AK5: variants seen among roughly 807,000 people sequenced by gnomAD.
The protein encoded by AK5 is adenylate kinase 5.
AK5 carries 27 observed loss-of-function variants against 69.5 expected under a neutral mutation model. That is an observed-to-expected ratio of 0.39 (90% CI 0.29 to 0.54). The LOEUF (loss-of-function observed/expected upper bound fraction) is 0.54, where lower values mean the gene tolerates loss of function less well. Among genes scored for constraint, AK5 ranks in the 20% least tolerant of loss-of-function variants. AK5 has a pLI of 0.71. For synonymous variants in AK5, 260 were observed against 244.4 expected (o/e 1.06, Z -0.60); for missense variants, 531 against 700.4 (o/e 0.76, Z 2.73).
intron 5 of AK5, among the ~76,000 whole-genome samples, chr1:77,308,793 A>G (rs1243643419): frequency 1.3e-5 from 2 of 152,210 alleles, no homozygotes; most frequent in African/African-American, 4.8e-5. Context: ...ACATGGCAAA[A>G]CTCCATCTCT....
intron 8 of AK5, among the ~76,000 whole-genome samples, chr1:77,428,595 C>CT (rs58114645): frequency 0.92 from 137,941 of 150,198 alleles, 63,456 homozygotes; most frequent in East Asian, 0.97. Context: ...TATCCAAGTT[C>CT]TTTTTTTTTT....
At chr1:77,360,779 A>G (rs1646849015) in intron 6 of AK5, among the ~76,000 whole-genome samples, 1 of 152,166 alleles carries the variant, frequency 6.6e-6, no homozygotes, top group African/African-American at 2.4e-5. Flanking sequence ...GCCTTGTTGA[A>G]AAGTCTAGAA....
intron 10 of AK5, among the ~76,000 whole-genome samples, chr1:77,514,663 T>G (rs1345022428): frequency 6.6e-6 from 1 of 152,222 alleles, no homozygotes; most frequent in Non-Finnish European, 1.5e-5. Flanking sequence ...CCACGAAAGT[T>G]TCTAACTGGG....
intron 6 of AK5, among the ~76,000 whole-genome samples, chr1:77,368,514 T>C (rs1407754037): frequency 6.6e-6 from 1 of 151,340 alleles, no homozygotes; most frequent in Non-Finnish European, 1.5e-5. Flanking sequence ...CAATCTGCGG[T>C]TGTTGGCATC....
At chr1:77,355,991 T>A (rs1662498772) in intron 6 of AK5, among the ~76,000 whole-genome samples, 1 of 152,068 alleles carries the variant, frequency 6.6e-6, no homozygotes, top group African/African-American at 2.4e-5. Flanking sequence ...ATGTTTCCAC[T>A]TGAAAACCAT....
At chr1:77,510,810 C>T (rs1275253672) in intron 10 of AK5, among the ~76,000 whole-genome samples, 1 of 151,878 alleles carries the variant, frequency 6.6e-6, no homozygotes, top group Non-Finnish European at 1.5e-5. Context: ...AAAGCAGACC[C>T]AGATCCCATA....
At chr1:77,290,822 A>T (rs530031759) in intron 2 of AK5, among the ~76,000 whole-genome samples, 1 of 152,352 alleles carries the variant, frequency 6.6e-6, no homozygotes, top group South Asian at 2.1e-4. Flanking sequence ...GACTGAAAAT[A>T]CAACCACCAG....
At chr1:77,366,218 A>C (rs1646947528) in intron 6 of AK5, among the ~76,000 whole-genome samples, 2 of 152,200 alleles carry the variant, frequency 1.3e-5, no homozygotes, top group Admixed American at 6.5e-5. Flanking sequence ...GGTCCTACTT[A>C]GTTTCTTTAA....
intron 10 of AK5, among the ~76,000 whole-genome samples, chr1:77,490,613 A>G (rs1323561976): frequency 6.6e-6 from 1 of 152,198 alleles, no homozygotes; most frequent in Non-Finnish European, 1.5e-5. Context: ...TTGTTCACAT[A>G]CAAGATATAA....
intron 8 of AK5, among the ~76,000 whole-genome samples, chr1:77,452,622 G>A (rs1198684794): frequency 6.6e-6 from 1 of 152,146 alleles, no homozygotes; most frequent in Non-Finnish European, 1.5e-5. Context: ...AGATTAAACG[G>A]TGCCACAACA....
intron 8 of AK5, among the ~76,000 whole-genome samples, chr1:77,437,500 C>T (rs916917399): frequency 3.9e-5 from 6 of 152,050 alleles, no homozygotes; most frequent in African/African-American, 1.4e-4. Flanking sequence ...TTTATTTGCC[C>T]TGATAGGTGA....
intron 8 of AK5, among the ~76,000 whole-genome samples, chr1:77,465,033 C>A (rs1425854264): frequency 6.6e-6 from 1 of 152,222 alleles, no homozygotes; most frequent in Non-Finnish European, 1.5e-5. Context: ...GGAGCAGCGT[C>A]TTCCCTTTGC....
intron 5 of AK5, among the ~76,000 whole-genome samples, chr1:77,324,740 G>A (rs1199509417): frequency 6.6e-6 from 1 of 151,710 alleles, no homozygotes; most frequent in Non-Finnish European, 1.5e-5. Flanking sequence ...AAGTAGGGTT[G>A]TAGTTAAAGG....
intron 6 of AK5, among the ~76,000 whole-genome samples, chr1:77,404,077 A>G (rs1246910295): frequency 1.3e-5 from 2 of 152,154 alleles, no homozygotes; most frequent in African/African-American, 2.4e-5. Flanking sequence ...ATGGGAGTTC[A>G]CTCATGATTT....
At chr1:77,440,963 G>A (rs1036562928) in intron 8 of AK5, among the ~76,000 whole-genome samples, 2 of 152,140 alleles carry the variant, frequency 1.3e-5, no homozygotes, top group Non-Finnish European at 2.9e-5. Context: ...TGGCCAGGCT[G>A]GTCTCCAACT....
intron 10 of AK5, among the ~76,000 whole-genome samples, chr1:77,492,773 G>A (rs1656073713): frequency 6.6e-6 from 1 of 152,202 alleles, no homozygotes; most frequent in Admixed American, 6.5e-5. Flanking sequence ...GTCAGAAGAA[G>A]ACAAAGAGGA....
At chr1:77,547,305 C>T (rs796370644) in intron 13 of AK5, among the ~76,000 whole-genome samples, 8 of 124,862 alleles carry the variant, frequency 6.4e-5, no homozygotes, top group Non-Finnish European at 8.0e-5. Flanking sequence ...GACAGAGTCT[C>T]ACTCTGTCAC....
rs576910990 is a variant in AK5, at chr1:77,473,516, TGGACAGCTAC to T, written c.1060-9795_1060-9786del. ...TCTTCCAAATCTACACTTCCAGGAT[TGGACAGCTAC>T]GGACATTAAACATTTAGACCTTTCT... On this transcript the variant is annotated intron_variant, in intron 8 of 13. Coordinates refer to ENST00000354567, the MANE Select transcript of AK5 (RefSeq NM_174858.3). Among the ~76,000 whole-genome samples, 70 of 152,326 alleles carry T rather than the reference TGGACAGCTAC, an allele frequency of 4.6e-4. No individual in the cohort carries two copies. In the East Asian group the frequency reaches 0.011, roughly 23 times the overall value.
intron 10 of AK5, among the ~76,000 whole-genome samples, chr1:77,512,645 C>T (rs1657415755): frequency 2.0e-5 from 3 of 151,960 alleles, no homozygotes; most frequent in Admixed American, 1.3e-4. Flanking sequence ...ACCATTTGAC[C>T]CAGCCATCCC....
Sources: gnomAD v4.1 joint callset for allele counts (sites outside exome capture counted in the v4.1 genomes callset) on GRCh38, gnomAD v4.1.1 for gene constraint, MANE v1.5 for transcripts, NCBI Gene and HGNC (gene_info 2026-07-23, HGNC 2026-07-21) for gene names.